Variants in DDAH1 observed in about 807,000 individuals in gnomAD.
DDAH1 encodes the protein N(G),N(G)-dimethylarginine dimethylaminohydrolase 1.
A neutral mutation model predicts 28.8 loss-of-function variants in DDAH1; 19 were observed. That is an observed-to-expected ratio of 0.66 (90% confidence interval 0.46 to 0.97). The LOEUF is 0.97. Ranked by LOEUF, DDAH1 falls within the 50% of genes least tolerant of loss-of-function variation. The pLI, the probability that DDAH1 is intolerant of heterozygous loss-of-function variation, is 0.00. For missense variants in DDAH1, 326 were observed against 375.9 expected, an observed-to-expected ratio of 0.87 and a Z score of 1.10; for synonymous variants, 153 against 154.4, an observed-to-expected ratio of 0.99 and a Z score of 0.07.
chr1:85,433,945 C>G (rs1324683176), intron 1 of DDAH1, among the ~76,000 whole-genome samples: 6 of 151,946 alleles, frequency 3.9e-5, no homozygotes, highest in Non-Finnish European at 8.8e-5. Flanking sequence ...ATTTATGTTA[C>G]TTAGATCAAA....
At chr1:85,381,249 A>G (rs1005017023) in intron 1 of DDAH1, among the ~76,000 whole-genome samples, 10 of 149,976 alleles carry the variant, frequency 6.7e-5, no homozygotes, top group African/African-American at 2.4e-5. Context: ...AAAAAGATAT[A>G]TTCTTTGGAT....
At chr1:85,378,473 A>G (rs1018695324) in intron 1 of DDAH1, among the ~76,000 whole-genome samples, 1 of 152,184 alleles carries the variant, frequency 6.6e-6, no homozygotes, top group African/African-American at 2.4e-5. Context: ...CAATGGCACA[A>G]TCACAGCACA....
At position 85,464,612 on chromosome 1, in the gene DDAH1, T is replaced by C; in HGVS notation, c.303+131A>G. ...CTGACACACACACACACACACACAC[T>C]CGCCCCCCGACGGGAAGTTGTGAAC... is the stretch of plus-strand genomic sequence containing the variant. On this transcript the variant is annotated intron_variant, in intron 1 of 5. Transcript: ENST00000284031. The surrounding 1 kb of genome is among the most constrained non-coding windows in gnomAD (Gnocchi z 4.4). 7.4e-7 allele frequency: 1 copy of C among 1,350,308 alleles called. No individual in the cohort carries two copies. The highest frequency in any genetic ancestry group is 9.9e-7 in the Non-Finnish European group (1 of 1,009,136). The allele number at this position is 1,350,308 out of a possible 1,614,324, so 83.6% of individuals were successfully genotyped here. A position where few individuals can be genotyped will look rare whatever the true frequency, so the allele number is the denominator to read the frequency against.
chr1:85,545,565 G>C (rs1658595269), intron 1 of DDAH1, among the ~76,000 whole-genome samples: 2 of 152,172 alleles, frequency 1.3e-5, no homozygotes, highest in South Asian at 4.1e-4. Flanking sequence ...TAGGAAAACT[G>C]TTCAGGAAAC....
chr1:85,365,536 G>A (rs1396386497), intron 1 of DDAH1, among the ~76,000 whole-genome samples: 1 of 152,150 alleles, frequency 6.6e-6, no homozygotes, highest in Non-Finnish European at 1.5e-5. Context: ...GGAGGAGTTA[G>A]TTATTTGTGT....
At chr1:85,398,680 G>T (rs12410825) in intron 1 of DDAH1, 1 of 152,176 alleles carries the variant, frequency 6.6e-6, no homozygotes, top group Non-Finnish European at 1.5e-5. Flanking sequence ...ACTGCATGCC[G>T]TGGACAGCTT....
chr1:85,333,617 C>A (rs1343058104), intron 4 of DDAH1, among the ~76,000 whole-genome samples: 1 of 151,040 alleles, frequency 6.6e-6, no homozygotes, highest in Non-Finnish European at 1.5e-5. Context: ...GAGAAATTCA[C>A]CAAGGAGATA....
chr1:85,444,999 T>C (rs1654369035), intron 1 of DDAH1, among the ~76,000 whole-genome samples: 1 of 152,190 alleles, frequency 6.6e-6, no homozygotes, highest in East Asian at 1.9e-4. Context: ...TCCAATGTTC[T>C]AGGGCAGGAA....
chr1:85,391,343 T>C (rs1651539654), intron 1 of DDAH1, among the ~76,000 whole-genome samples: 1 of 152,190 alleles, frequency 6.6e-6, no homozygotes, highest in Non-Finnish European at 1.5e-5. Context: ...GGCACATGCC[T>C]ATAACCCCAG....
chr1:85,322,277 C>G (rs757717534), intron 5 of DDAH1, among the ~76,000 whole-genome samples: 6 of 152,104 alleles, frequency 3.9e-5, no homozygotes, highest in African/African-American at 7.2e-5. Flanking sequence ...TATTTTCTTA[C>G]CAACACTGCT....
chr1:85,423,303 A>C (rs1523995), intron 1 of DDAH1, among the ~76,000 whole-genome samples: 124,565 of 152,120 alleles, frequency 0.82, 51,146 homozygotes, highest in Middle Eastern at 0.9. Context: ...ATCTACAGGA[A>C]AGCTTTTGCT....
intron 4 of DDAH1, among the ~76,000 whole-genome samples, chr1:85,346,460 T>C (rs1377576594): frequency 1.3e-5 from 2 of 152,170 alleles, no homozygotes; most frequent in African/African-American, 2.4e-5. Flanking sequence ...AACCAATCTA[T>C]GGCAAAATAA....
chr1:85,427,231 T>C (rs1258965472), intron 1 of DDAH1, among the ~76,000 whole-genome samples: 1 of 150,578 alleles, frequency 6.6e-6, no homozygotes, highest in East Asian at 2.0e-4. Context: ...CTCATCATGC[T>C]TGTGGCTCTG....
chr1:85,322,575 C>T lies in DDAH1; in HGVS notation c.742-1007G>A, dbSNP rs1425657230. Among the ~76,000 whole-genome samples, 4 of 152,282 alleles carry T rather than the reference C, an allele frequency of 2.6e-5. No homozygotes were observed. The East Asian group carries it at 7.7e-4, about 29-fold the overall frequency. ...AGAGTGTTGGAGCCAGAGTAGGGTCCCAAACCCAGTTCTGTCAACCTACTA... is the reference window on the plus strand; with the variant it reads ...AGAGTGTTGGAGCCAGAGTAGGGTCTCAAACCCAGTTCTGTCAACCTACTA... On this transcript the variant is annotated intron_variant, in intron 5 of 5. Transcript: ENST00000284031.
intron 1 of DDAH1, among the ~76,000 whole-genome samples, chr1:85,569,367 T>C (rs763548640): frequency 6.6e-6 from 1 of 152,198 alleles, no homozygotes; most frequent in Non-Finnish European, 1.5e-5. Context: ...TTAGTTCCTA[T>C]GTACTGACAC....
intron 1 of DDAH1, among the ~76,000 whole-genome samples, chr1:85,433,439 A>G (rs1653795133): frequency 6.6e-6 from 1 of 152,184 alleles, no homozygotes; most frequent in Admixed American, 6.5e-5. Flanking sequence ...CCTTAATGCA[A>G]AACAACGACA....
chr1:85,470,308 G>A (rs1185367406), intron 2 of DDAH1, among the ~76,000 whole-genome samples: 2 of 152,234 alleles, frequency 1.3e-5, no homozygotes, highest in African/African-American at 4.8e-5. Context: ...GAGAGAAAAT[G>A]AGAATCAAGT....
Position 85,464,598 on chromosome 1 carries a change from A to ACT in DDAH1, c.303+144_303+145insAG, listed in dbSNP as rs1400353619. The ACT allele has an allele frequency of 6.6e-7, 1 of 1,523,778 alleles. No individual in the cohort carries two copies. Among genetic ancestry groups the ACT allele is most frequent in the Non-Finnish European group, 8.8e-7 (1 of 1,139,106 alleles). The allele number at this position is 1,523,778 out of a possible 1,614,324, so 94.4% of individuals were successfully genotyped here. On this transcript the variant is annotated intron_variant, in intron 1 of 5. Transcript: ENST00000284031. The surrounding 1 kb of genome is among the most constrained non-coding windows in gnomAD (Gnocchi z 4.4). ...TTCTCTCTGACTCTCTGACACACAC[A>ACT]CACACACACACACTCGCCCCCCGAC...
chr1:85,420,649 G>C (rs545427556), intron 1 of DDAH1, among the ~76,000 whole-genome samples: 2 of 152,248 alleles, frequency 1.3e-5, no homozygotes, highest in South Asian at 4.1e-4. Context: ...GGACTTCACT[G>C]TGCATACCAC....
Sources: gnomAD v4.1 joint callset for allele counts (sites outside exome capture counted in the v4.1 genomes callset) on GRCh38, gnomAD v4.1.1 for gene constraint, Gnocchi (gnomAD v3.1) non-coding constraint, MANE v1.5 for transcripts, NCBI Gene and HGNC (gene_info 2026-07-23, HGNC 2026-07-21) for gene names.